NEK11: variants seen among roughly 807,000 people sequenced by gnomAD.
NEK11 encodes serine/threonine-protein kinase Nek11.
A neutral mutation model predicts 80.7 loss-of-function variants in NEK11; 72 were observed. The ratio of observed to expected loss-of-function variants is 0.89; its 90% confidence interval spans 0.74 to 1.08. The LOEUF (loss-of-function observed/expected upper bound fraction) is 1.08, where lower values mean the gene tolerates loss of function less well. NEK11 is among the 50% of genes least tolerant of loss of function. NEK11 has a pLI of 0.00. For synonymous variants in NEK11, 251 were observed against 260.7 expected (o/e 0.96, Z 0.36); for missense variants, 764 against 763.6 (o/e 1.00, Z -0.01).
At chr3:131,132,254 A>G (rs558973194) in intron 5 of NEK11, among the ~76,000 whole-genome samples, 14 of 152,006 alleles carry the variant, frequency 9.2e-5, no homozygotes, top group Middle Eastern at 6.8e-3. Context: ...CTAGTTCTTT[A>G]TAATTCCATA....
chr3:131,133,093 T>C (rs1437686259), intron 6 of NEK11, among the ~76,000 whole-genome samples: 2 of 152,140 alleles, frequency 1.3e-5, no homozygotes, highest in Non-Finnish European at 2.9e-5. Flanking sequence ...TACTTTGAGT[T>C]CCCTGTTTCA....
chr3:131,314,526 T>C (rs2096816764), intron 17 of NEK11, among the ~76,000 whole-genome samples: 1 of 152,194 alleles, frequency 6.6e-6, no homozygotes, highest in Non-Finnish European at 1.5e-5. Flanking sequence ...TAGCACTTCC[T>C]ATTGGCAGAG....
At chr3:131,297,577 G>T (rs1422349655) in intron 17 of NEK11, among the ~76,000 whole-genome samples, 1 of 152,150 alleles carries the variant, frequency 6.6e-6, no homozygotes, top group East Asian at 1.9e-4. Context: ...TTTGTCAGAT[G>T]AGTAGGTTGC....
intron 3 of NEK11, among the ~76,000 whole-genome samples, chr3:131,058,248 G>A (rs1422585909): frequency 2.0e-5 from 3 of 151,020 alleles, no homozygotes; most frequent in Non-Finnish European, 2.9e-5. Context: ...ATTGATCTAT[G>A]TCTCTGTTTT....
chr3:131,213,184 C>G (rs1398640435), intron 14 of NEK11, among the ~76,000 whole-genome samples: 1 of 125,136 alleles, frequency 8.0e-6, no homozygotes, highest in Admixed American at 8.6e-5. Context: ...CCCCATGCCA[C>G]CCATCTCCAC....
At chr3:131,186,941 A>G (rs2093624067) in intron 14 of NEK11, among the ~76,000 whole-genome samples, 1 of 151,910 alleles carries the variant, frequency 6.6e-6, no homozygotes, top group Admixed American at 6.6e-5. Context: ...GTATAAGTGA[A>G]CTCCTGGTTT....
chr3:131,178,655 G>A (rs1396063716), intron 14 of NEK11, among the ~76,000 whole-genome samples: 1 of 152,110 alleles, frequency 6.6e-6, no homozygotes, highest in Non-Finnish European at 1.5e-5. Context: ...AATATCTCCT[G>A]AAGGTTTTAC....
intron 5 of NEK11, among the ~76,000 whole-genome samples, chr3:131,123,238 C>G (rs544464639): frequency 9.2e-5 from 14 of 152,140 alleles, no homozygotes; most frequent in Non-Finnish European, 1.3e-4. Context: ...ATGATCTCGG[C>G]TCACTGTAAC....
At chr3:131,174,223 A>G (rs887450095) in intron 14 of NEK11, among the ~76,000 whole-genome samples, 1 of 152,360 alleles carries the variant, frequency 6.6e-6, no homozygotes. Flanking sequence ...GGGTTTGACA[A>G]ATCATTAGAA....
At chr3:131,040,682 T>C (rs16835614) in intron 3 of NEK11, among the ~76,000 whole-genome samples, 2,106 of 152,314 alleles carry the variant, frequency 0.014, 42 homozygotes, top group African/African-American at 0.048. Flanking sequence ...AGAAAAATCA[T>C]AGGCTTTGTT....
At chr3:131,215,075 A>G (rs1403786910) in intron 14 of NEK11, among the ~76,000 whole-genome samples, 1 of 152,170 alleles carries the variant, frequency 6.6e-6, no homozygotes, top group Non-Finnish European at 1.5e-5. Context: ...CTAAGAATAT[A>G]AACATATTGT....
chr3:131,165,812 A>G (rs980412593), intron 12 of NEK11, among the ~76,000 whole-genome samples: 10 of 152,268 alleles, frequency 6.6e-5, no homozygotes, highest in African/African-American at 2.4e-4. Flanking sequence ...ATTAGCTGAC[A>G]GAACAAATGT....
chr3:131,089,118 C>T (rs1287864597), intron 4 of NEK11, among the ~76,000 whole-genome samples: 6 of 152,196 alleles, frequency 3.9e-5, no homozygotes, highest in Non-Finnish European at 8.8e-5. Flanking sequence ...CACTGACAGG[C>T]TAAATATTAA....
chr3:131,044,655 T>C (rs952523337), intron 3 of NEK11, among the ~76,000 whole-genome samples: 3 of 151,880 alleles, frequency 2.0e-5, no homozygotes, highest in African/African-American at 7.3e-5. Flanking sequence ...GGACTTAGAC[T>C]CCCACACAAT....
chr3:131,249,293 A>G (rs901129781), intron 16 of NEK11, among the ~76,000 whole-genome samples: 2 of 152,038 alleles, frequency 1.3e-5, no homozygotes, highest in African/African-American at 4.8e-5. Flanking sequence ...GGTGTAGGCT[A>G]GGAGAAGCAA....
intron 17 of NEK11, among the ~76,000 whole-genome samples, chr3:131,336,745 C>G (rs1317696042): frequency 6.6e-6 from 1 of 152,178 alleles, no homozygotes; most frequent in African/African-American, 2.4e-5. Context: ...TATCCAGAAT[C>G]TACAATGAAC....
chr3:131,177,303 T>C (rs918821516), intron 14 of NEK11, among the ~76,000 whole-genome samples: 1 of 152,222 alleles, frequency 6.6e-6, no homozygotes, highest in African/African-American at 2.4e-5. Context: ...TCTGCAGTTT[T>C]CAAATTTGTT....
intron 5 of NEK11, among the ~76,000 whole-genome samples, chr3:131,131,809 C>T (rs2084535010): frequency 6.6e-6 from 1 of 151,774 alleles, no homozygotes; most frequent in Admixed American, 6.6e-5. Flanking sequence ...GATTTTAGAT[C>T]TTTCTTTTTT....
rs558207494 is a variant in NEK11 at position 131,323,715 on chromosome 3, T to C, written c.1719-25842T>C. ...TGTAACTATGCCTCTGGAGGCACTA[T>C]GAAAAAGGGAGTGTTCTAGTTTCAT... On this transcript the variant is annotated intron_variant, in intron 17 of 17. Coordinates refer to ENST00000383366, the MANE Select transcript of NEK11 (RefSeq NM_024800.5). 6.6e-5 allele frequency among the ~76,000 whole-genome samples: 10 copies of C among 152,354 alleles called. No individual in the cohort carries two copies. The East Asian group carries it at 1.5e-3, about 23-fold the overall frequency.
Sources: allele counts gnomAD v4.1 joint callset (sites outside exome capture counted in the v4.1 genomes callset), GRCh38; gene constraint gnomAD v4.1.1; transcripts MANE v1.5; gene names NCBI Gene and HGNC (gene_info 2026-07-23, HGNC 2026-07-21).